The following GPHN variants were observed in gnomAD, a reference collection of about 807,000 sequenced individuals.
GPHN encodes the protein gephyrin.
A neutral mutation model predicts 95.5 loss-of-function variants in GPHN; 17 were observed. The observed-to-expected ratio is 0.18, with a 90% CI of 0.12 to 0.27. The LOEUF (loss-of-function observed/expected upper bound fraction) is 0.27, where lower values mean the gene tolerates loss of function less well. GPHN is among the 10% of genes least tolerant of loss of function. The pLI, the probability that GPHN is intolerant of heterozygous loss-of-function variation, is 1.00. For synonymous variants in GPHN, 320 were observed against 322.5 expected (o/e 0.99, Z 0.08); for missense variants, 660 against 978.1 (o/e 0.67, Z 4.34).
intron 2 of GPHN, among the ~76,000 whole-genome samples, chr14:66,775,051 G>A (rs1251363338): frequency 1.3e-5 from 2 of 151,780 alleles, no homozygotes; most frequent in African/African-American, 4.8e-5. Flanking sequence ...TTAGTTCAGG[G>A]TGTACATTTG....
At chr14:67,644,841 A>G in the GPHN span, among the ~76,000 whole-genome samples, 2 of 152,064 alleles carry the variant, frequency 1.3e-5, no homozygotes, top group Non-Finnish European at 2.9e-5. Context: ...TACTAAAAAT[A>G]CAAAAAATTA....
At chr14:67,367,680 T>TA in the GPHN span, among the ~76,000 whole-genome samples, 4 of 142,068 alleles carry the variant, frequency 2.8e-5, no homozygotes, top group Non-Finnish European at 6.0e-5. Flanking sequence ...CTACAAAAAA[T>TA]ACAAAAATTA....
chr14:67,626,269 C>A, the GPHN span, among the ~76,000 whole-genome samples: 1,169 of 151,524 alleles, frequency 7.7e-3, 14 homozygotes, highest in African/African-American at 0.027. Flanking sequence ...AAAAAAAAAA[C>A]CACAAAACTA....
chr14:67,086,617 A>G (rs952447712), intron 11 of GPHN, among the ~76,000 whole-genome samples: 1 of 147,168 alleles, frequency 6.8e-6, no homozygotes, highest in Non-Finnish European at 1.5e-5. Context: ...GCGCCACTGC[A>G]CTCCAGCCTG....
the GPHN span, among the ~76,000 whole-genome samples, chr14:67,234,613 G>A: frequency 1.3e-5 from 2 of 152,026 alleles, no homozygotes; most frequent in Non-Finnish European, 2.9e-5. Context: ...GCCGTGGTGC[G>A]ATCTTGGCTC....
chr14:67,619,998 C>T, the GPHN span: 1 of 1,607,932 alleles, frequency 6.2e-7, no homozygotes. Context: ...GGGGCAGCCT[C>T]TCGCGTCTCC....
intron 17 of GPHN, among the ~76,000 whole-genome samples, chr14:67,127,765 A>T (rs758043722): frequency 3.3e-5 from 5 of 152,234 alleles, no homozygotes; most frequent in Admixed American, 2.6e-4. Flanking sequence ...TCCAAGCAGT[A>T]AAAATATTTT....
chr14:67,363,149 C>T, the GPHN span, among the ~76,000 whole-genome samples: 3 of 151,976 alleles, frequency 2.0e-5, no homozygotes, highest in Non-Finnish European at 4.4e-5. Flanking sequence ...CAATTTGAAA[C>T]TTTTTAGCTC....
At chr14:67,200,974 C>G in the GPHN span, among the ~76,000 whole-genome samples, 2 of 152,144 alleles carry the variant, frequency 1.3e-5, no homozygotes, top group Non-Finnish European at 2.9e-5. Context: ...TACCAAGATT[C>G]CTGACTGAAC....
intron 13 of GPHN, among the ~76,000 whole-genome samples, chr14:67,108,056 A>G (rs1226610842): frequency 6.6e-6 from 1 of 152,218 alleles, no homozygotes; most frequent in Non-Finnish European, 1.5e-5. Flanking sequence ...ATTAGAAACT[A>G]TCTCCAATGT....
chr14:67,699,455 T>C, the GPHN span, among the ~76,000 whole-genome samples: 1 of 151,482 alleles, frequency 6.6e-6, no homozygotes, highest in South Asian at 2.1e-4. Flanking sequence ...GGCAGTGTAC[T>C]GGTGTGTGCC....
At chr14:67,582,065 GTAGGCTGTACTT>G in the GPHN span, 1 of 1,607,166 alleles carries the variant, frequency 6.2e-7, no homozygotes, top group East Asian at 2.2e-5. This position sits in a 1 kb window ranked among gnomAD's most constrained non-coding sequence, Gnocchi z 5.0. Context: ...TCTCTTCTTT[GTAGGCTGTACTT>G]TCGCAGTCAA....
intron 1 of GPHN, among the ~76,000 whole-genome samples, chr14:66,517,239 C>G (rs1228790488): frequency 6.6e-6 from 1 of 151,214 alleles, no homozygotes; most frequent in Non-Finnish European, 1.5e-5. Flanking sequence ...TCTTCACTTT[C>G]ACCTAAGAGT....
chr14:66,880,146 T>A, intron 5 of GPHN, 113 bp downstream of exon 5: 1 of 733,100 alleles, frequency 1.4e-6, no homozygotes, highest in African/African-American at 1.7e-5. Flanking sequence ...CTAGTCCACA[T>A]AAAGTTCTTA....
the GPHN span, among the ~76,000 whole-genome samples, chr14:67,285,941 C>A: frequency 2.0e-3 from 307 of 152,208 alleles, no homozygotes; most frequent in African/African-American, 6.9e-3. Context: ...AGTGAATTTT[C>A]TTACTTTAGA....
chr14:66,894,081 T>G (rs1473409447), intron 5 of GPHN, among the ~76,000 whole-genome samples: 1 of 152,094 alleles, frequency 6.6e-6, no homozygotes, highest in Admixed American at 6.6e-5. Flanking sequence ...AATCCTAAGC[T>G]GGAGGCCTCA....
chr14:66,672,915 A>G (rs1038365358), intron 1 of GPHN, among the ~76,000 whole-genome samples: 1 of 152,084 alleles, frequency 6.6e-6, no homozygotes. Flanking sequence ...CAACATCGTT[A>G]TTGATGTAGG....
intron 3 of GPHN, among the ~76,000 whole-genome samples, chr14:66,821,318 A>G (rs2061180836): frequency 6.6e-6 from 1 of 152,230 alleles, no homozygotes; most frequent in African/African-American, 2.4e-5. Context: ...TTTAATATGT[A>G]TACATATATC....
the GPHN span, among the ~76,000 whole-genome samples, chr14:67,714,347 T>C: frequency 6.6e-6 from 1 of 152,058 alleles, no homozygotes; most frequent in Non-Finnish European, 1.5e-5. Context: ...ATTATGTTGC[T>C]CTTGGTCTCA....
Sources: allele counts gnomAD v4.1 joint callset (sites outside exome capture counted in the v4.1 genomes callset), GRCh38; gene constraint gnomAD v4.1.1; non-coding constraint Gnocchi (gnomAD v3.1); transcripts MANE v1.5; gene names NCBI Gene and HGNC (gene_info 2026-07-23, HGNC 2026-07-21).